PROCR: variants seen among roughly 807,000 people sequenced by gnomAD.
PROCR encodes the protein endothelial protein C receptor.
PROCR carries 22 observed loss-of-function variants against 24.2 expected under a neutral mutation model. That is an observed-to-expected ratio of 0.91 (90% CI 0.65 to 1.30). The LOEUF is 1.30. Among genes scored for constraint, PROCR ranks in the 50% most tolerant of loss-of-function variants. The probability of loss-of-function intolerance (pLI) is 0.00; values close to 1 mark genes in which losing one functional copy is unlikely to be tolerated. For missense variants in PROCR, 288 were observed against 307.7 expected (o/e 0.94, Z 0.48); for synonymous variants, 137 against 139.2 (o/e 0.98, Z 0.11).
chr20:35,204,062 T>C (rs1280865310), intron 1 of PROCR, among the ~76,000 whole-genome samples: 1 of 151,914 alleles, frequency 6.6e-6, no homozygotes, highest in Non-Finnish European at 1.5e-5. Flanking sequence ...AGAGAAGACA[T>C]AAATTACTAA....
chr20:35,193,166 GTTTC>G (rs1291297189), intron 1 of PROCR, among the ~76,000 whole-genome samples: 3 of 147,194 alleles, frequency 2.0e-5, no homozygotes, highest in Non-Finnish European at 4.5e-5. Flanking sequence ...GCAATGCCCT[GTTTC>G]TTTCTTTCTT....
Position 35,176,913 on chromosome 20 carries a change from A to C in PROCR, c.*100A>C, listed in dbSNP as rs975904140. On this transcript the variant is annotated 3_prime_UTR_variant, in exon 4 of 4. Coordinates refer to ENST00000216968, the MANE Select transcript of PROCR (RefSeq NM_006404.5). ...CAGACTCCCCAACTGAAACACCAGAAGGTTTGGAGTGACAGCTCCTTTCTT... is the reference window on the plus strand; with the variant it reads ...CAGACTCCCCAACTGAAACACCAGACGGTTTGGAGTGACAGCTCCTTTCTT... The C allele has an allele frequency of 1.7e-5, 26 of 1,543,996 alleles. No individual in the cohort carries two copies. The African/African-American group carries it at 3.6e-4, about 21-fold the overall frequency.
At chr20:35,171,226 G>A (rs1568588841), upstream of PROCR, among the ~76,000 whole-genome samples, 2 of 152,122 alleles carry the variant, frequency 1.3e-5, no homozygotes, top group Non-Finnish European at 2.9e-5. Flanking sequence ...TAGAGTAAGG[G>A]ACGCATTTTA....
chr20:35,205,752 AATATATATATATATATATATATATATAT>A (rs200029202), intron 1 of PROCR, among the ~76,000 whole-genome samples: 7 of 102,678 alleles, frequency 6.8e-5, no homozygotes, highest in Non-Finnish European at 1.3e-4. Flanking sequence ...ACTCTGTCTA[AATATATATATATATATATATATATATAT>A]ATATATATGT....
At chr20:35,187,599 G>A (rs1264799142) in intron 1 of PROCR, among the ~76,000 whole-genome samples, 1 of 152,212 alleles carries the variant, frequency 6.6e-6, no homozygotes, top group Non-Finnish European at 1.5e-5. Flanking sequence ...AGCAGGAGAG[G>A]TAAGTAATCA....
At chr20:35,192,594 GT>G (rs2086183155) in intron 1 of PROCR, among the ~76,000 whole-genome samples, 1 of 152,140 alleles carries the variant, frequency 6.6e-6, no homozygotes, top group African/African-American at 2.4e-5. Flanking sequence ...GGAAAGGAAT[GT>G]GCTTATTAGG....
chr20:35,209,196 G>GA (rs1386899160), intron 1 of PROCR, among the ~76,000 whole-genome samples: 1 of 152,158 alleles, frequency 6.6e-6, no homozygotes, highest in Non-Finnish European at 1.5e-5. Flanking sequence ...AATCTTACAT[G>GA]AAGTAGAATT....
At chr20:35,174,662 C>G (rs1327682483) in intron 1 of PROCR, 40 bp from the exon 2 acceptor site, 17 of 1,612,650 alleles carry the variant, frequency 1.1e-5, no homozygotes, top group Non-Finnish European at 1.1e-5. Flanking sequence ...CCGCCGCCCC[C>G]TCCCACGCCG....
chr20:35,208,205 T>G (rs959170645), intron 1 of PROCR, among the ~76,000 whole-genome samples: 2 of 152,308 alleles, frequency 1.3e-5, no homozygotes, highest in Admixed American at 1.3e-4. Context: ...GCCAAGGACA[T>G]CCTGTGCTGA....
chr20:35,197,533 A>G (rs1319213467), intron 1 of PROCR, among the ~76,000 whole-genome samples: 1 of 152,130 alleles, frequency 6.6e-6, no homozygotes, highest in East Asian at 1.9e-4. Flanking sequence ...AAGTGAAAAG[A>G]AGAGTCACGT....
chr20:35,188,567 A>G (rs2086146711), intron 1 of PROCR, among the ~76,000 whole-genome samples: 1 of 152,212 alleles, frequency 6.6e-6, no homozygotes, highest in South Asian at 2.1e-4. Context: ...TGTGTTTTGA[A>G]TCAATGAATA....
At chr20:35,193,948 A>G (rs1441045545) in intron 1 of PROCR, among the ~76,000 whole-genome samples, 2 of 152,184 alleles carry the variant, frequency 1.3e-5, no homozygotes, top group East Asian at 3.8e-4. Context: ...TAAAGGCTGG[A>G]AATTGAGGAG....
intron 1 of PROCR, among the ~76,000 whole-genome samples, chr20:35,186,954 AAAAAAAAAAAG>A (rs1194330477): frequency 4.0e-5 from 6 of 149,030 alleles, no homozygotes; most frequent in Non-Finnish European, 6.0e-5. Context: ...CTCTGTCTCA[AAAAAAAAAAAG>A]AAAAAAAAAT....
intron 1 of PROCR, 143 bp from the exon 2 acceptor site, chr20:35,174,559 C>T (rs2146142548): frequency 3.0e-6 from 3 of 1,006,274 alleles, no homozygotes; most frequent in Non-Finnish European, 4.6e-6. Context: ...CAGCGTCAAA[C>T]GGGAGAAGCG....
chr20:35,175,174 C>T (rs2146144016), intron 2 of PROCR, among the ~76,000 whole-genome samples: 1 of 152,116 alleles, frequency 6.6e-6, no homozygotes, highest in South Asian at 2.1e-4. Context: ...GGTCGTCCTG[C>T]TGGCATAACC....
chr20:35,187,343 T>G (rs1157660971), intron 1 of PROCR, among the ~76,000 whole-genome samples: 3 of 152,196 alleles, frequency 2.0e-5, no homozygotes, highest in African/African-American at 7.2e-5. Context: ...ATTACAGGCA[T>G]GAGCCACCAC....
intron 1 of PROCR, among the ~76,000 whole-genome samples, chr20:35,183,328 A>G (rs948132334): frequency 1.3e-5 from 2 of 152,066 alleles, no homozygotes; most frequent in Non-Finnish European, 2.9e-5. Context: ...GTGTTGAGTG[A>G]GTTCTTGTTC....
chr20:35,214,510 C>A (rs1424481426), intron 1 of PROCR, among the ~76,000 whole-genome samples: 1 of 151,902 alleles, frequency 6.6e-6, no homozygotes, highest in East Asian at 1.9e-4. Flanking sequence ...CACGGTGAAA[C>A]CCTGCCTCTA....
At chr20:35,174,632 G>A (rs1055325858) in intron 1 of PROCR, 70 bp from the exon 2 acceptor site, 2 of 1,598,280 alleles carry the variant, frequency 1.3e-6, no homozygotes, top group Non-Finnish European at 1.7e-6. Context: ...TCGAGGTAGG[G>A]GGTTATTATC....
Sources: allele counts gnomAD v4.1 joint callset (sites outside exome capture counted in the v4.1 genomes callset), GRCh38; gene constraint gnomAD v4.1.1; transcripts MANE v1.5; gene names NCBI Gene and HGNC (gene_info 2026-07-23, HGNC 2026-07-21).